Variants in SLC26A7 observed in about 807,000 individuals in gnomAD.
The protein encoded by SLC26A7 is anion exchange transporter.
In SLC26A7, 59 loss-of-function variants were observed where a neutral mutation model predicts 82.5. The observed-to-expected ratio is 0.72, with a 90% CI of 0.58 to 0.89. SLC26A7 has a LOEUF of 0.89. Ranked by LOEUF, SLC26A7 falls within the 40% of genes least tolerant of loss-of-function variation. SLC26A7 has a pLI of 0.00. For missense variants in SLC26A7, 820 were observed against 793.0 expected (o/e 1.03, Z -0.41); for synonymous variants, 271 against 274.3 (o/e 0.99, Z 0.12).
intron 9 of SLC26A7, chr8:91,344,021 T>C (rs1399406440): frequency 1.0e-6 from 1 of 977,422 alleles, no homozygotes; most frequent in East Asian, 1.1e-4. Flanking sequence ...ATGATGATGA[T>C]GATGACGATG....
chr8:91,223,808 C>A (rs1563633624), intron 2 of SLC26A7, among the ~76,000 whole-genome samples: 1 of 152,140 alleles, frequency 6.6e-6, no homozygotes, highest in Non-Finnish European at 1.5e-5. Flanking sequence ...CCTTCTGGTA[C>A]TCCAATCAAT....
At chr8:91,272,594 G>T (rs759057623) in intron 2 of SLC26A7, among the ~76,000 whole-genome samples, 4 of 152,134 alleles carry the variant, frequency 2.6e-5, no homozygotes, top group Non-Finnish European at 5.9e-5. Flanking sequence ...CTGACGAAGG[G>T]CACTATAGAC....
intron 2 of SLC26A7, among the ~76,000 whole-genome samples, chr8:91,230,773 T>C (rs1332018630): frequency 6.6e-6 from 1 of 152,220 alleles, no homozygotes; most frequent in Non-Finnish European, 1.5e-5. Context: ...TTATGTATAC[T>C]GAATACTACG....
Position 91,324,622 on chromosome 8 carries a change from A to G in SLC26A7, c.642+6242A>G, listed in dbSNP as rs80297491. 1.1e-4 allele frequency among the ~76,000 whole-genome samples: 17 copies of G among 152,356 alleles called. No homozygotes were observed. In the East Asian group the frequency reaches 3.1e-3, roughly 28 times the overall value. On this transcript the variant is annotated intron_variant, in intron 5 of 18. Transcript: ENST00000276609. ...ACAGGCATTGAGGATACAGTTGAAC[A>G]ATAACATTTTTGTTCCCGTGGAATT...
chr8:91,322,565 G>A (rs1324519779), intron 5 of SLC26A7, among the ~76,000 whole-genome samples: 1 of 152,086 alleles, frequency 6.6e-6, no homozygotes, highest in Non-Finnish European at 1.5e-5. Context: ...TTATCAGAAA[G>A]GATGTTTTCC....
intron 4 of SLC26A7, among the ~76,000 whole-genome samples, chr8:91,300,027 C>T (rs899563963): frequency 6.6e-6 from 1 of 152,124 alleles, no homozygotes; most frequent in African/African-American, 2.4e-5. Flanking sequence ...GGGGGAGAAA[C>T]TTCCTTGTAT....
chr8:91,279,624 G>T (rs1005137554), intron 2 of SLC26A7, among the ~76,000 whole-genome samples: 20 of 148,634 alleles, frequency 1.3e-4, no homozygotes, highest in Non-Finnish European at 1.5e-4. Flanking sequence ...CAGTGGTGTA[G>T]TCTCGGCTCA....
Position 91,295,631 on chromosome 8 carries a change from G to A in SLC26A7, c.405G>A (p.Leu135=), listed in dbSNP as rs1216449410. 1.2e-6 allele frequency: 2 copies of A among 1,614,118 alleles called. No individual in the cohort carries two copies. Among genetic ancestry groups the A allele is most frequent in the East Asian group, 4.5e-5 (2 of 44,884 alleles). The stretch of plus-strand genomic sequence containing the variant: ...CCACACAGAGTAACACAAGCGTGCT[G>A]GGCTTATCCGACTTTGAAATGCAAA... ...NLTTQSNTSV[L]GLSDFEMQRI... is the part of the protein sequence containing the mutation. Residue 135 remains leucine, a synonymous_variant, in exon 4 of 19, where the codon CTG becomes CTA. Coordinates refer to ENST00000276609, the MANE Select transcript of SLC26A7 (RefSeq NM_052832.4).
chr8:91,297,454 T>G (rs1331041098), intron 4 of SLC26A7, among the ~76,000 whole-genome samples: 1 of 152,100 alleles, frequency 6.6e-6, no homozygotes, highest in African/African-American at 2.4e-5. Flanking sequence ...CTCCCTAGAA[T>G]TATAAGAGCA....
At chr8:91,216,050 T>C (rs996770080) in intron 1 of SLC26A7, among the ~76,000 whole-genome samples, 1 of 152,178 alleles carries the variant, frequency 6.6e-6, no homozygotes, top group Non-Finnish European at 1.5e-5. Context: ...TTTTTCTAAG[T>C]TAAATTTCTA....
intron 11 of SLC26A7, among the ~76,000 whole-genome samples, chr8:91,361,446 C>T (rs1814047119): frequency 6.6e-6 from 1 of 151,952 alleles, no homozygotes; most frequent in Admixed American, 6.6e-5. Flanking sequence ...GCTATTAGGA[C>T]AGAAATAAAT....
chr8:91,240,651 T>C (rs1586314244), intron 2 of SLC26A7, among the ~76,000 whole-genome samples: 1 of 152,154 alleles, frequency 6.6e-6, no homozygotes, highest in Non-Finnish European at 1.5e-5. Context: ...GCACAGCAAA[T>C]TTCTGAATAT....
At chr8:91,390,175 A>T (rs1814920312) in intron 16 of SLC26A7, among the ~76,000 whole-genome samples, 1 of 145,712 alleles carries the variant, frequency 6.9e-6, no homozygotes, top group Non-Finnish European at 1.5e-5. Flanking sequence ...CAGTGGCGCG[A>T]TCTCGGCTCA....
At chr8:91,216,432 G>T (rs980147647) in intron 1 of SLC26A7, among the ~76,000 whole-genome samples, 1 of 152,080 alleles carries the variant, frequency 6.6e-6, no homozygotes, top group East Asian at 1.9e-4. Flanking sequence ...ATCAGATGTC[G>T]AACTTGTTTC....
chr8:91,215,350 T>G (rs1482483389), intron 1 of SLC26A7, among the ~76,000 whole-genome samples: 1 of 152,200 alleles, frequency 6.6e-6, no homozygotes. Context: ...CTGTGCCATA[T>G]AAATATATAT....
intron 16 of SLC26A7, among the ~76,000 whole-genome samples, 178 bp from the exon 17 acceptor site, chr8:91,393,619 T>G (rs1808465701): frequency 6.6e-6 from 1 of 152,182 alleles, no homozygotes; most frequent in African/African-American, 2.4e-5. Flanking sequence ...GCTGTATTAA[T>G]CTTAGTCTTT....
chr8:91,238,129 A>T (rs192612244), intron 2 of SLC26A7, among the ~76,000 whole-genome samples: 1 of 152,256 alleles, frequency 6.6e-6, no homozygotes, highest in East Asian at 1.9e-4. Flanking sequence ...TTTGATTTTC[A>T]ATCTAATAAC....
At chr8:91,225,987 G>A (rs1810233697) in intron 2 of SLC26A7, among the ~76,000 whole-genome samples, 1 of 152,012 alleles carries the variant, frequency 6.6e-6, no homozygotes, top group African/African-American at 2.4e-5. Flanking sequence ...CATCCCTGAG[G>A]TCCATTCCTT....
At chr8:91,338,901 C>G (rs576766066) in intron 7 of SLC26A7, among the ~76,000 whole-genome samples, 1 of 152,054 alleles carries the variant, frequency 6.6e-6, no homozygotes, top group African/African-American at 2.4e-5. Flanking sequence ...AAATTTGGGG[C>G]AAAGTTACAA....
Sources: allele counts gnomAD v4.1 joint callset (sites outside exome capture counted in the v4.1 genomes callset), GRCh38; gene constraint gnomAD v4.1.1; transcripts MANE v1.5; gene names NCBI Gene and HGNC (gene_info 2026-07-23, HGNC 2026-07-21).